RBM19: variants seen among roughly 807,000 people sequenced by gnomAD.
RBM19 encodes the protein RNA binding motif protein 19, also known as probable RNA-binding protein 19.
Under a neutral mutation model 116.8 loss-of-function variants are expected in RBM19, and 94 were observed. The ratio of observed to expected loss-of-function variants is 0.80; its 90% confidence interval spans 0.68 to 0.95. RBM19 has a LOEUF of 0.95. Among genes scored for constraint, RBM19 ranks in the 40% least tolerant of loss-of-function variants. The pLI is 0.00. For missense variants in RBM19, 1,161 were observed against 1,220.7 expected (o/e 0.95, Z 0.73); for synonymous variants, 475 against 494.1 (o/e 0.96, Z 0.51).
chr12:113,891,936 T>A (rs1301737775), intron 21 of RBM19, among the ~76,000 whole-genome samples: 2 of 152,198 alleles, frequency 1.3e-5, no homozygotes, highest in African/African-American at 2.4e-5. Flanking sequence ...CTCCGTCGTG[T>A]GTCGGGTAAA....
chr12:113,962,397 G>C lies in RBM19; in HGVS notation c.54C>G (p.Phe18Leu). The C allele has an allele frequency of 6.2e-7, 1 of 1,613,766 alleles. No individual in the cohort carries two copies. The highest frequency in any genetic ancestry group is 1.7e-5 in the Admixed American group (1 of 60,034). Residue 18 changes from phenylalanine to leucine, a missense_variant, in exon 2 of 24, where the codon TTC becomes TTG. By Grantham distance (22) the Phe-to-Leu change is conservative. Transcript: ENST00000261741. Reference protein sequence around the residue: ...NLPNGMKEERFRQLFAAFGTL... With the variant: ...NLPNGMKEERLRQLFAAFGTL... ...TGCCGAAGGCGGCAAACAGCTGCCT[G>C]AAACGCTCCTCCTTCATCTAGGACA...
chr12:113,944,131 G>A (rs1319988895), intron 13 of RBM19, among the ~76,000 whole-genome samples: 5 of 108,242 alleles, frequency 4.6e-5, no homozygotes, highest in East Asian at 3.0e-4. Flanking sequence ...GCAGACTCTC[G>A]CTCTGTCACC....
intron 13 of RBM19, among the ~76,000 whole-genome samples, chr12:113,944,572 A>G (rs771405242): frequency 2.0e-5 from 3 of 152,136 alleles, no homozygotes; most frequent in Non-Finnish European, 4.4e-5. Context: ...CCAAGGTGGC[A>G]TGATCACTTG....
chr12:113,924,616 C>T, intron 18 of RBM19, 81 bp downstream of exon 18: 1 of 1,280,614 alleles, frequency 7.8e-7, no homozygotes. Flanking sequence ...ACCCCAACCC[C>T]TTGTCTGAAG....
At chr12:113,937,781 G>C (rs1870205858) in intron 15 of RBM19, among the ~76,000 whole-genome samples, 1 of 150,966 alleles carries the variant, frequency 6.6e-6, no homozygotes, top group Non-Finnish European at 1.5e-5. Context: ...AAAAAAAAGA[G>C]GGGCCCTGGG....
In RBM19 at chr12:113,945,811, G is replaced by C. The variant is rs1021022091; in HGVS notation, c.1626+17C>G. The stretch of plus-strand genomic sequence containing the variant: ...TTTGGCCCAGATCCCAGAGAGGACT[G>C]GTCGGCCCTTACTCACGTGGTCAAA... On this transcript the variant is annotated intron_variant, in intron 13 of 23. Transcript: ENST00000261741. 2 of 1,524,282 alleles carry C rather than the reference G, an allele frequency of 1.3e-6. No homozygotes were observed. Among genetic ancestry groups the C allele is most frequent in the Non-Finnish European group, 1.8e-6 (2 of 1,099,450 alleles). 94.4% of individuals were successfully genotyped at this position (1,524,282 alleles called of 1,614,324 possible).
intron 14 of RBM19, 45 bp from the exon 15 acceptor site, chr12:113,940,205 G>A (rs1462402648): frequency 1.3e-6 from 2 of 1,574,720 alleles, no homozygotes; most frequent in African/African-American, 2.7e-5. Context: ...GGAGGGAGGA[G>A]GGTCCCCAGC....
At chr12:113,845,252 C>A (rs950750260) in intron 22 of RBM19, among the ~76,000 whole-genome samples, 3 of 144,242 alleles carry the variant, frequency 2.1e-5, no homozygotes, top group African/African-American at 7.3e-5. Flanking sequence ...CCACGCTGCT[C>A]TTGAAGGGGC....
At chr12:113,944,093 G>T (rs1309465814) in intron 13 of RBM19, among the ~76,000 whole-genome samples, 17 of 67,650 alleles carry the variant, frequency 2.5e-4, no homozygotes, top group South Asian at 8.0e-4. Context: ...CCAGATGCAT[G>T]TTTTTTTTTT....
intron 23 of RBM19, among the ~76,000 whole-genome samples, chr12:113,839,990 C>T (rs892738089): frequency 5.3e-5 from 8 of 152,156 alleles, no homozygotes; most frequent in African/African-American, 9.7e-5. Flanking sequence ...TTGCCACACA[C>T]GCAGACACAA....
intron 16 of RBM19, among the ~76,000 whole-genome samples, chr12:113,936,090 C>CGACT (rs369771980): frequency 0.16 from 23,953 of 151,516 alleles, 2,505 homozygotes; most frequent in African/African-American, 0.3. Context: ...TGTTCCTCCC[C>CGACT]ATTTTTTTTT....
At chr12:113,845,832 G>C (rs1026929347) in intron 22 of RBM19, among the ~76,000 whole-genome samples, 21 of 152,210 alleles carry the variant, frequency 1.4e-4, no homozygotes, top group African/African-American at 5.1e-4. Context: ...CAAAAGCTTG[G>C]AGTCTGAGGT....
At chr12:113,857,544 G>A (rs10850226) in intron 22 of RBM19, among the ~76,000 whole-genome samples, 19,951 of 152,300 alleles carry the variant, frequency 0.13, 1,294 homozygotes, top group African/African-American at 0.14. Context: ...GGTGAGGGCC[G>A]TGACCTGCTG....
intron 21 of RBM19, among the ~76,000 whole-genome samples, chr12:113,880,647 C>T (rs1271031344): frequency 2.0e-5 from 3 of 152,294 alleles, no homozygotes; most frequent in East Asian, 1.9e-4. Context: ...GCTAGCCTCC[C>T]GTCAGAGACA....
chr12:113,892,618 C>A (rs111954965), intron 21 of RBM19, among the ~76,000 whole-genome samples: 4 of 152,030 alleles, frequency 2.6e-5, no homozygotes, highest in Non-Finnish European at 4.4e-5. Flanking sequence ...TCGTTTAATG[C>A]GATTAGGTTT....
chr12:113,869,989 G>A (rs909900645), intron 21 of RBM19, among the ~76,000 whole-genome samples: 1 of 152,158 alleles, frequency 6.6e-6, no homozygotes, highest in South Asian at 2.1e-4. Flanking sequence ...GCTGCTCCAC[G>A]TCAACACCAA....
chr12:113,966,154 T>A, intron 1 of RBM19, 38 bp downstream of exon 1: 1 of 1,614,008 alleles, frequency 6.2e-7, no homozygotes, highest in Non-Finnish European at 8.5e-7. Flanking sequence ...TCCCGGCTGG[T>A]CTCATTTCAG....
chr12:113,909,205 C>T (rs922057181), intron 21 of RBM19, among the ~76,000 whole-genome samples: 2 of 152,186 alleles, frequency 1.3e-5, no homozygotes, highest in African/African-American at 2.4e-5. Flanking sequence ...TCACTGCAAA[C>T]TCAGACTCCC....
chr12:113,867,072 C>G (rs1180188833), intron 21 of RBM19, among the ~76,000 whole-genome samples: 1 of 152,174 alleles, frequency 6.6e-6, no homozygotes, highest in Non-Finnish European at 1.5e-5. Flanking sequence ...TTGGGACAAG[C>G]AACAGGGTCT....
Sources: gnomAD v4.1 joint callset for allele counts (sites outside exome capture counted in the v4.1 genomes callset) on GRCh38, gnomAD v4.1.1 for gene constraint, MANE v1.5 for transcripts, NCBI Gene and HGNC (gene_info 2026-07-23, HGNC 2026-07-21) for gene names.